The following ATP1A3 variants were observed in gnomAD, a reference collection of about 807,000 sequenced individuals.
ATP1A3 encodes the protein sodium/potassium-transporting ATPase subunit alpha-3.
In ATP1A3, 12 loss-of-function variants were observed where a neutral mutation model predicts 108.8. That is an observed-to-expected ratio of 0.11 (90% CI 0.07 to 0.18). The LOEUF is 0.18. Among genes scored for constraint, ATP1A3 ranks in the 10% least tolerant of loss-of-function variants. ATP1A3 has a pLI of 1.00. For missense variants in ATP1A3, 498 were observed against 1,387.7 expected (o/e 0.36, Z 10.19); for synonymous variants, 539 against 564.5 (o/e 0.95, Z 0.64).
chr19:41,981,413 A>G lies in ATP1A3; in HGVS notation c.1437+89T>C. 6.3e-7 allele frequency: 1 copy of G among 1,596,014 alleles called. No individual in the cohort carries two copies. Among genetic ancestry groups the G allele is most frequent in the East Asian group, 2.2e-5 (1 of 44,770 alleles). On this transcript the variant is annotated intron_variant, in intron 11 of 22. Coordinates refer to ENST00000648268, the MANE Select transcript of ATP1A3 (RefSeq NM_152296.5). The surrounding 1 kb of genome is among the most constrained non-coding windows in gnomAD (Gnocchi z 5.0). ...GGGTATTATCATTCCCATTTTACAG[A>G]CGGGAAAATCAAGGCTCTATGACAC...
At chr19:41,974,154 C>T (rs2145956678) in intron 16 of ATP1A3, among the ~76,000 whole-genome samples, 1 of 152,224 alleles carries the variant, frequency 6.6e-6, no homozygotes, top group Middle Eastern at 3.4e-3. Flanking sequence ...TTGCTTGAAC[C>T]CAGGAGGTGG....
intron 11 of ATP1A3, among the ~76,000 whole-genome samples, chr19:41,980,501 C>T (rs1383022076): frequency 1.3e-5 from 2 of 152,136 alleles, no homozygotes; most frequent in Non-Finnish European, 2.9e-5. Flanking sequence ...CTAATTCCAG[C>T]TACTCGGGAG....
Position 41,994,185 on chromosome 19 carries a change from T to G in ATP1A3, c.-109A>C. 1 of 1,094,232 alleles carries G rather than the reference T, an allele frequency of 9.1e-7. No individual in the cohort carries two copies. Among genetic ancestry groups the G allele is most frequent in the East Asian group, 3.2e-5 (1 of 31,610 alleles). 67.8% of individuals were successfully genotyped at this position (1,094,232 alleles called of 1,614,324 possible). A position where few individuals can be genotyped will look rare whatever the true frequency, so the allele number is the denominator to read the frequency against. ...TCTGCAGCGCCCGCGCCTCGGTAGG[T>G]GCGCGCGTCCGTCCGTCCGTCCGTT... On this transcript the variant is annotated 5_prime_UTR_variant, in exon 1 of 23. Coordinates refer to ENST00000648268, the MANE Select transcript of ATP1A3 (RefSeq NM_152296.5).
At chr19:41,977,272 C>T (rs2075181620) in intron 14 of ATP1A3, among the ~76,000 whole-genome samples, 2 of 152,290 alleles carry the variant, frequency 1.3e-5, no homozygotes, top group East Asian at 3.9e-4. Flanking sequence ...CACAGAAGTA[C>T]TGGATTCTAC....
chr19:41,985,724 AGGGCCTGG>A lies in ATP1A3; in HGVS notation c.606+132_606+139del. On this transcript the variant is annotated intron_variant, in intron 6 of 22. Coordinates refer to ENST00000648268, the MANE Select transcript of ATP1A3 (RefSeq NM_152296.5). The surrounding 1 kb of genome is among the most constrained non-coding windows in gnomAD (Gnocchi z 8.2). ...CCTAAACTCCTGGGTCTGAGGGAGG[AGGGCCTGG>A]GGGCCTGGACTCCTGGGTCTGAGGG... is the stretch of plus-strand genomic sequence containing the variant. 7.7e-7 allele frequency: 1 copy of A among 1,305,736 alleles called. No individual in the cohort carries two copies. Among genetic ancestry groups the A allele is most frequent in the Non-Finnish European group, 1.0e-6 (1 of 961,210 alleles). The allele number at this position is 1,305,736 out of a possible 1,614,324, so 80.9% of individuals were successfully genotyped here.
chr19:41,984,712 CAAGA>C, intron 8 of ATP1A3: 1 of 596,504 alleles, frequency 1.7e-6, no homozygotes, highest in Admixed American at 3.1e-5. Context: ...TTGTCTTTCA[CAAGA>C]ATACTGTGAT....
Position 41,981,782 on chromosome 19 carries a change from G to A in ATP1A3, c.1242C>T (p.Ile414=), listed in dbSNP as rs1309536843. Reference sequence around the variant, plus strand: ...AGACAGCGCGATTGCAGAGCCCAGCGATGTGAGACAGGGCCACCCAGGTGT... The same window carrying A: ...AGACAGCGCGATTGCAGAGCCCAGCAATGTGAGACAGGGCCACCCAGGTGT... ...SSHTWVALSH[I]AGLCNRAVFK... The change falls in exon 10 of 23, where the codon ATC becomes ATT. Residue 414 remains isoleucine (I), a synonymous_variant. Transcript: ENST00000648268. This position sits in a 1 kb window ranked among gnomAD's most constrained non-coding sequence, Gnocchi z 5.0. 36 of 1,614,108 alleles carry A rather than the reference G, an allele frequency of 2.2e-5. No homozygotes were observed. Among genetic ancestry groups the A allele is most frequent in the Non-Finnish European group, 2.5e-5 (30 of 1,180,058 alleles).
Position 41,970,281 on chromosome 19 carries a change from C to T in ATP1A3, c.2446G>A (p.Ala816Thr), listed in dbSNP as rs2075088623. 6.2e-7 allele frequency: 1 copy of T among 1,614,082 alleles called. No individual in the cohort carries two copies. The highest frequency in any genetic ancestry group is 8.5e-7 in the Non-Finnish European group (1 of 1,180,048). ...MVPAISLAYE[A>T]AESDIMKRQP... Reference sequence around the variant, plus strand: ...CTCTTCATGATGTCGCTTTCGGCAGCCTCGTACGCCAGTGAGATGGCAGGG... The same window carrying T: ...CTCTTCATGATGTCGCTTTCGGCAGTCTCGTACGCCAGTGAGATGGCAGGG... Residue 816 changes from alanine to threonine, a missense_variant, in exon 18 of 23, where the codon GCT (alanine) becomes ACT (threonine). Ala to Thr is a moderately conservative substitution (Grantham distance 58, BLOSUM62 0). This residue lies in a region of ATP1A3 where 121 missense variants were observed against 425.1 expected (regional missense o/e 0.28). Coordinates refer to ENST00000648268, the MANE Select transcript of ATP1A3 (RefSeq NM_152296.5).
Position 41,969,196 on chromosome 19 carries a change from G to A in ATP1A3, c.2688+239C>T, listed in dbSNP as rs2075075935. On this transcript the variant is annotated intron_variant, in intron 19 of 22. Transcript: ENST00000648268. ...GGAGGACAGACAGCAACTGGGCTTT[G>A]AAGGGACAGACAGAGGTGGGGAAGA... is the stretch of plus-strand genomic sequence containing the variant. 2.0e-5 allele frequency among the ~76,000 whole-genome samples: 3 copies of A among 152,192 alleles called. No homozygotes were observed. In the South Asian group the frequency reaches 6.2e-4, roughly 31 times the overall value.
rs781976199 is a variant in ATP1A3, at chr19:41,978,768, C to T, written c.1468G>A (p.Asp490Asn). ...LSIHETEDPN[D>N]NRYLLVMKGA... ...TTCATCACCAGCAGGTATCGGTTGT[C>T]GTTGGGGTCCTCGGTCTCATGGATG... The change falls in exon 12 of 23, where the codon GAC (aspartate) becomes AAC (asparagine). Residue 490 changes from aspartate to asparagine, a missense_variant. Physicochemically the swap from Asp to Asn is conservative, Grantham distance 23. Coordinates refer to ENST00000648268, the MANE Select transcript of ATP1A3 (RefSeq NM_152296.5). The surrounding 1 kb of genome is among the most constrained non-coding windows in gnomAD (Gnocchi z 8.3). 1.4e-5 allele frequency: 23 copies of T among 1,613,894 alleles called. No homozygotes were observed. The highest frequency in any genetic ancestry group is 4.4e-5 in the South Asian group (4 of 91,078).
At chr19:41,974,003 C>T (rs775944911) in intron 16 of ATP1A3, among the ~76,000 whole-genome samples, 3 of 152,090 alleles carry the variant, frequency 2.0e-5, no homozygotes, top group South Asian at 2.1e-4. Flanking sequence ...GGCCAAGGTG[C>T]GGGGATCACT....
chr19:41,972,023 G>A (rs1174872565), intron 16 of ATP1A3, among the ~76,000 whole-genome samples: 1 of 152,144 alleles, frequency 6.6e-6, no homozygotes, highest in Non-Finnish European at 1.5e-5. Context: ...ACCGAAGCAG[G>A]AGGATTGCCT....
intron 11 of ATP1A3, among the ~76,000 whole-genome samples, chr19:41,979,145 A>G (rs1206688914): frequency 2.0e-5 from 3 of 151,576 alleles, no homozygotes; most frequent in African/African-American, 7.3e-5. Flanking sequence ...TTGGGATTAC[A>G]GGCACCACCA....
At position 41,985,258 on chromosome 19, in the gene ATP1A3, C is replaced by T. The variant is rs782700268; in HGVS notation, c.724+48G>A. 6.2e-7 allele frequency: 1 copy of T among 1,614,022 alleles called. No homozygotes were observed. The highest frequency in any genetic ancestry group is 8.5e-7 in the Non-Finnish European group (1 of 1,179,908). On this transcript the variant is annotated intron_variant, in intron 7 of 22. Coordinates refer to ENST00000648268, the MANE Select transcript of ATP1A3 (RefSeq NM_152296.5). This position sits in a 1 kb window ranked among gnomAD's most constrained non-coding sequence, Gnocchi z 8.2. ...TCTGGAGGCCTGACCCCCTGGGACACATCCCTGTGTCTGCCCCAGCTGTGT... is the reference window on the plus strand; with the variant it reads ...TCTGGAGGCCTGACCCCCTGGGACATATCCCTGTGTCTGCCCCAGCTGTGT...
chr19:41,993,501 G>T (rs2075359218), intron 1 of ATP1A3: 1 of 676,966 alleles, frequency 1.5e-6, no homozygotes, highest in Non-Finnish European at 2.2e-6. Flanking sequence ...TGCGGAGCCT[G>T]CACACACACA....
Position 41,967,482 on chromosome 19 carries a change from C to A in ATP1A3, c.2922-142G>T, listed in dbSNP as rs2075056095. 1.1e-5 allele frequency: 13 copies of A among 1,215,722 alleles called. No individual in the cohort carries two copies. Among genetic ancestry groups the A allele is most frequent in the Admixed American group, 2.1e-5 (1 of 46,578 alleles). The allele number at this position is 1,215,722 out of a possible 1,614,324, so 75.3% of individuals were successfully genotyped here. The stretch of plus-strand genomic sequence containing the variant: ...GAGGGTGCCCTGGGCGGGGCTGGGG[C>A]CTGGGGTCTTCGGAGTAATCCGTGG... On this transcript the variant is annotated intron_variant, in intron 21 of 22. Coordinates refer to ENST00000648268, the MANE Select transcript of ATP1A3 (RefSeq NM_152296.5). The surrounding 1 kb of genome is among the most constrained non-coding windows in gnomAD (Gnocchi z 4.2).
chr19:41,981,358 A>G lies in ATP1A3; in HGVS notation c.1437+144T>C, dbSNP rs1271380245. 6.7e-6 allele frequency: 9 copies of G among 1,349,642 alleles called. No homozygotes were observed. Among genetic ancestry groups the G allele is most frequent in the Non-Finnish European group, 9.4e-6 (9 of 958,220 alleles). The allele number at this position is 1,349,642 out of a possible 1,614,324, so 83.6% of individuals were successfully genotyped here. A position where few individuals can be genotyped will look rare whatever the true frequency, so the allele number is the denominator to read the frequency against. ...CAACAGAGATCCGGCTCCCACTCTCAAGCTCTCCCTGTTCCTCTCCCCACC... is the reference window on the plus strand; with the variant it reads ...CAACAGAGATCCGGCTCCCACTCTCGAGCTCTCCCTGTTCCTCTCCCCACC... On this transcript the variant is annotated intron_variant, in intron 11 of 22. Transcript: ENST00000648268. This position sits in a 1 kb window ranked among gnomAD's most constrained non-coding sequence, Gnocchi z 5.0.
In ATP1A3 at chr19:41,978,046, G is replaced by T. The variant is rs781949719; in HGVS notation, c.1833C>A (p.Pro611=). ...CCTTGGCAATGGCCTTGGCCGTGAT[G>T]GGGTGATCGCCGGTGACCATGATGA... ...IKVIMVTGDH[P]ITAKAIAKGV... The change falls in exon 14 of 23, where the codon CCC becomes CCA. Residue 611 remains proline (P), a synonymous_variant. Coordinates refer to ENST00000648268, the MANE Select transcript of ATP1A3 (RefSeq NM_152296.5). The surrounding 1 kb of genome is among the most constrained non-coding windows in gnomAD (Gnocchi z 8.3). The T allele has an allele frequency of 1.9e-6, 3 of 1,614,150 alleles. No homozygotes were observed. Among genetic ancestry groups the T allele is most frequent in the Non-Finnish European group, 2.5e-6 (3 of 1,180,052 alleles).
intron 1 of ATP1A3, among the ~76,000 whole-genome samples, chr19:41,989,018 C>A (rs1439412794): frequency 6.6e-6 from 1 of 152,138 alleles, no homozygotes; most frequent in African/African-American, 2.4e-5. Context: ...CAGCTCACTG[C>A]AGCCTCGACT....
Sources: gnomAD v4.1 joint callset for allele counts (sites outside exome capture counted in the v4.1 genomes callset) on GRCh38, gnomAD v4.1.1 for gene constraint, gnomAD v4.1.1 regional missense constraint, Gnocchi (gnomAD v3.1) non-coding constraint, MANE v1.5 for transcripts, NCBI Gene and HGNC (gene_info 2026-07-23, HGNC 2026-07-21) for gene names.